VPS13D: variants seen among roughly 807,000 people sequenced by gnomAD.
VPS13D encodes vacuolar protein sorting 13 homolog D.
Under a neutral mutation model 461.9 loss-of-function variants are expected in VPS13D, and 187 were observed. The ratio of observed to expected loss-of-function variants is 0.40; its 90% CI spans 0.36 to 0.46. The LOEUF is 0.46. Among genes scored for constraint, VPS13D ranks in the 20% least tolerant of loss-of-function variants. The pLI is 0.60. For synonymous variants in VPS13D, 1,951 were observed against 1,986.3 expected (o/e 0.98, Z 0.47); for missense variants, 4,711 against 5,364.9 (o/e 0.88, Z 3.81).
In VPS13D at chr1:12,260,737, G is replaced by A. The variant is rs138147813; in HGVS notation, c.1155G>A (p.Leu385=). Residue 385 remains leucine (L), a synonymous_variant, in exon 11 of 70, where the codon TTG becomes TTA. Transcript: ENST00000620676. The part of the protein sequence containing the change: ...RIEEEQSFEE[L]KILRELVHDR... ...AAGAGGAACAGAGCTTTGAGGAATT[G>A]AAGATTTTGCGTGAACTGGTTCATG... 1.9e-6 allele frequency: 3 copies of A among 1,614,164 alleles called. 1 individual carries two copies. Among genetic ancestry groups the A allele is most frequent in the Non-Finnish European group, 2.5e-6 (3 of 1,180,018 alleles).
chr1:12,363,865 A>G (rs554515946), intron 52 of VPS13D, among the ~76,000 whole-genome samples: 60 of 150,624 alleles, frequency 4.0e-4, no homozygotes, highest in African/African-American at 1.4e-3. Context: ...AGGCAGGAGA[A>G]TCGCCTGAAT....
At chr1:12,242,479 A>T (rs767262434) in intron 2 of VPS13D, 34 bp from the exon 3 acceptor site, 3 of 1,593,552 alleles carry the variant, frequency 1.9e-6, no homozygotes, top group Non-Finnish European at 2.6e-6. Context: ...GTATTTGTTA[A>T]ATGGATATTT....
chr1:12,269,536 A>G (rs1641371709), intron 16 of VPS13D, among the ~76,000 whole-genome samples: 1 of 152,186 alleles, frequency 6.6e-6, no homozygotes, highest in Admixed American at 6.5e-5. Flanking sequence ...ACTGAGGAGG[A>G]ATGTTCAAGA....
At chr1:12,333,977 T>C (rs923582021) in intron 38 of VPS13D, among the ~76,000 whole-genome samples, 1 of 152,258 alleles carries the variant, frequency 6.6e-6, no homozygotes, top group African/African-American at 2.4e-5. Flanking sequence ...GTACCTTCAC[T>C]GTGAAAACTC....
At position 12,475,685 on chromosome 1, in the gene VPS13D, G is replaced by C. The variant is rs147431015; in HGVS notation, c.12662+15289G>C. On this transcript the variant is annotated intron_variant, in intron 67 of 69. Transcript: ENST00000620676. ...TTGTCACCACTTCAGCCCTCCCTCT[G>C]ATTTCACCTTTGGGAAAACTACAAA... Among the ~76,000 whole-genome samples the C allele has an allele frequency of 2.4e-3, 363 of 152,300 alleles. 2 individuals are homozygous for C. The highest frequency in any genetic ancestry group is 8.3e-3 in the African/African-American group (344 of 41,550).
intron 67 of VPS13D, 42 bp from the exon 68 acceptor site, chr1:12,497,458 G>T (rs201464329): frequency 1.7e-4 from 271 of 1,576,350 alleles, no homozygotes; most frequent in Non-Finnish European, 2.2e-4. Flanking sequence ...ATTTTAACCT[G>T]CACACTTAAC....
In VPS13D at chr1:12,288,241, G is replaced by A; in HGVS notation, c.5653G>A (p.Val1885Met). ...LDLKVHSLSL[V>M]LNKTTSELAK... is the part of the protein sequence containing the mutation. Reference sequence around the variant, plus strand: ...TTCCTAGGTTCATTCACTTTCTCTAGTGCTGAATAAGACCACCAGTGAGCT... The same window carrying A: ...TTCCTAGGTTCATTCACTTTCTCTAATGCTGAATAAGACCACCAGTGAGCT... The change falls in exon 22 of 70, where the codon GTG (valine) becomes ATG (methionine). Residue 1885 changes from valine to methionine, a missense_variant. Val to Met is a conservative substitution (Grantham distance 21). Coordinates refer to ENST00000620676, the MANE Select transcript of VPS13D (RefSeq NM_015378.4). 6.2e-7 allele frequency: 1 copy of A among 1,613,778 alleles called. No individual in the cohort carries two copies. Among genetic ancestry groups the A allele is most frequent in the Non-Finnish European group, 8.5e-7 (1 of 1,179,778 alleles).
Position 12,396,027 on chromosome 1 carries a change from A to ATG in VPS13D, c.11635-4153_11635-4152insGT, listed in dbSNP as rs1269758891. On this transcript the variant is annotated intron_variant, in intron 60 of 69. Coordinates refer to ENST00000620676, the MANE Select transcript of VPS13D (RefSeq NM_015378.4). ...TATATATATATATATATATATATAT[A>ATG]TAGTTCTTTAAGATCAATAAAATTA... Among the ~76,000 whole-genome samples the ATG allele has an allele frequency of 6.9e-4, 94 of 136,712 alleles. 1 individual carries two copies. Among genetic ancestry groups the ATG allele is most frequent in the Middle Eastern group, 3.7e-3 (1 of 272 alleles). 89.7% of individuals were successfully genotyped at this position (136,712 alleles called of 152,430 possible). A position where few individuals can be genotyped will look rare whatever the true frequency, so the allele number is the denominator to read the frequency against.
In VPS13D at chr1:12,279,391, G is replaced by C. The variant is rs1641711280; in HGVS notation, c.4451-108G>C. 7.7e-7 allele frequency: 1 copy of C among 1,294,148 alleles called. No individual in the cohort carries two copies. The highest frequency in any genetic ancestry group is 2.5e-5 in the East Asian group (1 of 40,242). The allele number at this position is 1,294,148 out of a possible 1,614,324, so 80.2% of individuals were successfully genotyped here. A position where few individuals can be genotyped will look rare whatever the true frequency, so the allele number is the denominator to read the frequency against. ...GGGTGCCAGGCTAACCTGCCCTCCT[G>C]GTCTAAGTGTAACTCATGGGCTGTA... is the stretch of plus-strand genomic sequence containing the variant. On this transcript the variant is annotated intron_variant, in intron 19 of 69. Coordinates refer to ENST00000620676, the MANE Select transcript of VPS13D (RefSeq NM_015378.4). The surrounding 1 kb of genome is among the most constrained non-coding windows in gnomAD (Gnocchi z 4.3).
At chr1:12,341,916 A>T (rs1330841342) in intron 41 of VPS13D, 31 bp downstream of exon 41, 1 of 1,606,476 alleles carries the variant, frequency 6.2e-7, no homozygotes, top group East Asian at 2.2e-5. Flanking sequence ...ACCCCGAGTC[A>T]TCTCTGCCAC....
intron 65 of VPS13D, among the ~76,000 whole-genome samples, chr1:12,440,143 G>C (rs1395096045): frequency 6.6e-6 from 1 of 152,104 alleles, no homozygotes; most frequent in Admixed American, 6.5e-5. Flanking sequence ...GGGCTCCTCT[G>C]AGAGAGAGAG....
intron 67 of VPS13D, among the ~76,000 whole-genome samples, chr1:12,471,767 G>T (rs1204665715): frequency 6.6e-6 from 1 of 152,040 alleles, no homozygotes; most frequent in Admixed American, 6.6e-5. Flanking sequence ...TTTAAATGTT[G>T]TGCTTTGTTT....
intron 1 of VPS13D, among the ~76,000 whole-genome samples, chr1:12,232,929 C>T (rs1004873072): frequency 2.0e-5 from 3 of 151,636 alleles, no homozygotes; most frequent in African/African-American, 7.3e-5. Context: ...TTAATTTGGG[C>T]GGCCTAAATG....
rs146651195 is a variant in VPS13D, at chr1:12,411,130, A to T, written c.12031-3957A>T. ...AATAAGTCAAGGATGATCTTTTTGA[A>T]AAAGAAGTAAAAGGCATAGGAGCTG... On this transcript the variant is annotated intron_variant, in intron 63 of 69. Transcript: ENST00000620676. 1.4e-3 allele frequency among the ~76,000 whole-genome samples: 220 copies of T among 152,366 alleles called. 1 individual carries two copies. Among genetic ancestry groups the T allele is most frequent in the African/African-American group, 4.9e-3 (203 of 41,600 alleles).
At chr1:12,391,322 G>T (rs1469655883) in intron 60 of VPS13D, among the ~76,000 whole-genome samples, 1 of 152,180 alleles carries the variant, frequency 6.6e-6, no homozygotes, top group Non-Finnish European at 1.5e-5. Flanking sequence ...TGTGAACCAG[G>T]CTCTAGTCTT....
In VPS13D at chr1:12,286,651, AG is replaced by A. The variant is rs377165500; in HGVS notation, c.5635-1571del. Reference sequence around the variant, plus strand: ...CCATCAGATTCAGTTCAGCTTGGTAAGAACATGCCAGAGGGGCTGCTGAGTG... The same window carrying A: ...CCATCAGATTCAGTTCAGCTTGGTAAAACATGCCAGAGGGGCTGCTGAGTG... On this transcript the variant is annotated intron_variant, in intron 21 of 69. Transcript: ENST00000620676. 5.8e-3 allele frequency among the ~76,000 whole-genome samples: 880 copies of A among 152,280 alleles called. 3 individuals are homozygous for A. The highest frequency in any genetic ancestry group is 0.02 in the African/African-American group (848 of 41,548).
chr1:12,285,139 AT>A (rs1199292131), intron 21 of VPS13D, among the ~76,000 whole-genome samples: 2 of 152,184 alleles, frequency 1.3e-5, no homozygotes, highest in Non-Finnish European at 2.9e-5. Flanking sequence ...TTTGACAAAC[AT>A]TTTTATTGTG....
At chr1:12,480,364 G>A (rs1432885760) in intron 67 of VPS13D, among the ~76,000 whole-genome samples, 1 of 152,222 alleles carries the variant, frequency 6.6e-6, no homozygotes, top group African/African-American at 2.4e-5. Context: ...GGAGGCCAGG[G>A]AGAGCTTCTG....
intron 65 of VPS13D, among the ~76,000 whole-genome samples, chr1:12,441,608 GT>G (rs1441078650): frequency 1.3e-5 from 2 of 152,178 alleles, no homozygotes; most frequent in African/African-American, 4.8e-5. Flanking sequence ...GATTTGAAGG[GT>G]TCCTGCTGGT....
Sources: gnomAD v4.1 joint callset for allele counts (sites outside exome capture counted in the v4.1 genomes callset) on GRCh38, gnomAD v4.1.1 for gene constraint, Gnocchi (gnomAD v3.1) non-coding constraint, MANE v1.5 for transcripts, NCBI Gene and HGNC (gene_info 2026-07-23, HGNC 2026-07-21) for gene names.